EYS: variants seen among roughly 807,000 people sequenced by gnomAD.
EYS encodes the protein EGF-like photoreceptor maintenance factor.
In EYS, 250 loss-of-function variants were observed where a neutral mutation model predicts 282.1. That is an observed-to-expected ratio of 0.89 (90% CI 0.80 to 0.98). The LOEUF is 0.98. Ranked by LOEUF, EYS falls within the 50% of genes least tolerant of loss-of-function variation. The probability of loss-of-function intolerance (pLI) is 0.00; values close to 1 mark genes in which losing one functional copy is unlikely to be tolerated. For synonymous variants in EYS, 1,355 were observed against 1,282.9 expected (o/e 1.06, Z -1.20); for missense variants, 4,016 against 3,709.0 (o/e 1.08, Z -2.15).
intron 13 of EYS, among the ~76,000 whole-genome samples, chr6:65,017,267 ATTAATGTAC>A (rs1772086078): frequency 6.6e-6 from 1 of 152,226 alleles, no homozygotes; most frequent in South Asian, 2.1e-4. Flanking sequence ...GGAATATATT[ATTAATGTAC>A]TTATTTTACT....
intron 11 of EYS, among the ~76,000 whole-genome samples, chr6:65,317,882 C>CTTTA (rs1250204821): frequency 1.3e-5 from 1 of 77,808 alleles, no homozygotes; most frequent in Admixed American, 1.2e-4. Flanking sequence ...TTCTTTCTTT[C>CTTTA]TTTCAGACAG....
chr6:64,344,340 A>T (rs1458427982), intron 29 of EYS, among the ~76,000 whole-genome samples: 2 of 151,846 alleles, frequency 1.3e-5, no homozygotes, highest in African/African-American at 2.4e-5. Context: ...CCAGCAGCAC[A>T]TCAAAAAGCT....
intron 33 of EYS, among the ~76,000 whole-genome samples, chr6:64,050,831 ATGAC>A (rs1245447752): frequency 2.6e-5 from 4 of 152,238 alleles, no homozygotes; most frequent in African/African-American, 9.6e-5. Context: ...ATCTGGCAGT[ATGAC>A]TAAGCAACTT....
chr6:65,480,175 A>G (rs1196429156), intron 5 of EYS, among the ~76,000 whole-genome samples: 1 of 152,010 alleles, frequency 6.6e-6, no homozygotes, highest in Non-Finnish European at 1.5e-5. Context: ...AATAAGTAAA[A>G]TTAATTAATT....
intron 5 of EYS, among the ~76,000 whole-genome samples, chr6:65,443,670 C>G (rs559121035): frequency 6.6e-6 from 1 of 151,100 alleles, no homozygotes; most frequent in African/African-American, 2.4e-5. Context: ...TATACGTATA[C>G]ATCATATACA....
In EYS at chr6:65,177,105, T is replaced by C. The variant is rs151017914; in HGVS notation, c.2023+118758A>G. ...GAGTGTTTCAATTAACTAAGGGAAT[T>C]TGTAATTTTTAACTTAGCATTTTGA... On this transcript the variant is annotated intron_variant, in intron 12 of 42. Coordinates refer to ENST00000503581, the MANE Select transcript of EYS (RefSeq NM_001142800.2). Among the ~76,000 whole-genome samples, 97 of 151,922 alleles carry C rather than the reference T, an allele frequency of 6.4e-4. 2 individuals are homozygous for C. The East Asian group carries it at 0.018, about 28-fold the overall frequency.
intron 22 of EYS, among the ~76,000 whole-genome samples, chr6:64,675,244 C>T (rs907761005): frequency 2.6e-5 from 4 of 152,052 alleles, no homozygotes; most frequent in African/African-American, 9.7e-5. Flanking sequence ...CTCCTACACT[C>T]GGTATCTTCT....
At position 63,873,161 on chromosome 6, in the gene EYS, C is replaced by G. The variant is rs1048522683; in HGVS notation, c.7056-8803G>C. 1.4e-4 allele frequency among the ~76,000 whole-genome samples: 19 copies of G among 136,208 alleles called. No individual in the cohort carries two copies. The East Asian group carries it at 1.5e-3, about 11-fold the overall frequency. The allele number at this position is 136,208 out of a possible 152,430, so 89.4% of individuals were successfully genotyped here. On this transcript the variant is annotated intron_variant, in intron 35 of 42. Transcript: ENST00000503581. ...ATGCTATCCCTCCCCCCTCCCTACA[C>G]CCCATGACAGGACACGGTGTGTGAT...
At chr6:63,890,953 T>A (rs774980475) in intron 35 of EYS, among the ~76,000 whole-genome samples, 28 of 152,216 alleles carry the variant, frequency 1.8e-4, no homozygotes, top group Non-Finnish European at 3.1e-4. Context: ...GAGAATACTA[T>A]AAATACCTCT....
At chr6:64,790,455 A>T (rs759470405) in intron 22 of EYS, among the ~76,000 whole-genome samples, 4 of 151,964 alleles carry the variant, frequency 2.6e-5, no homozygotes, top group Non-Finnish European at 5.9e-5. Flanking sequence ...AAAAATGTAC[A>T]TCTAACAATT....
At chr6:65,177,968 C>T (rs1356546243) in intron 12 of EYS, among the ~76,000 whole-genome samples, 2 of 151,808 alleles carry the variant, frequency 1.3e-5, no homozygotes, top group Non-Finnish European at 2.9e-5. Flanking sequence ...GTTTGTTAGT[C>T]CCTTTCACTT....
chr6:64,464,268 C>A (rs1362742483), intron 26 of EYS, among the ~76,000 whole-genome samples: 1 of 152,088 alleles, frequency 6.6e-6, no homozygotes, highest in Non-Finnish European at 1.5e-5. Context: ...ATAAAAAACT[C>A]TCAGCAAATT....
chr6:65,449,439 TTA>T (rs1764320426), intron 5 of EYS, among the ~76,000 whole-genome samples: 1 of 152,116 alleles, frequency 6.6e-6, no homozygotes. Flanking sequence ...CATTGGGTTG[TTA>T]TCTTTCTCAA....
At chr6:64,734,456 A>AT (rs549707014) in intron 22 of EYS, among the ~76,000 whole-genome samples, 94 of 152,282 alleles carry the variant, frequency 6.2e-4, no homozygotes, top group Middle Eastern at 3.4e-3. Context: ...TTTTGATGTG[A>AT]TTTTTTCCAC....
chr6:63,730,020 T>C (rs1283978725), intron 41 of EYS, among the ~76,000 whole-genome samples: 1 of 152,220 alleles, frequency 6.6e-6, no homozygotes, highest in Non-Finnish European at 1.5e-5. Context: ...TTTGAAGTTG[T>C]ACTGCTGAAA....
intron 33 of EYS, among the ~76,000 whole-genome samples, chr6:64,057,548 A>T (rs1199469709): frequency 2.0e-5 from 3 of 152,132 alleles, no homozygotes; most frequent in Admixed American, 1.3e-4. Flanking sequence ...TTTCATTTTT[A>T]AAAAGTAAAC....
intron 1 of EYS, among the ~76,000 whole-genome samples, chr6:65,669,083 A>AAAG (rs1768294188): frequency 6.6e-6 from 1 of 151,994 alleles, no homozygotes; most frequent in African/African-American, 2.4e-5. Context: ...GATGTTATCT[A>AAAG]AAGTACATTT....
chr6:64,757,632 C>T (rs891118694), intron 22 of EYS, among the ~76,000 whole-genome samples: 1 of 152,186 alleles, frequency 6.6e-6, no homozygotes, highest in African/African-American at 2.4e-5. Context: ...TATTATACCA[C>T]TGTATCAATC....
chr6:64,820,297 C>G (rs929714368), intron 21 of EYS, among the ~76,000 whole-genome samples: 1 of 151,950 alleles, frequency 6.6e-6, no homozygotes, highest in Non-Finnish European at 1.5e-5. Flanking sequence ...AAGAATTGCT[C>G]TCATAATATT....
Sources: allele counts gnomAD v4.1 joint callset (sites outside exome capture counted in the v4.1 genomes callset), GRCh38; gene constraint gnomAD v4.1.1; transcripts MANE v1.5; gene names NCBI Gene and HGNC (gene_info 2026-07-23, HGNC 2026-07-21).